TNPO2: variants seen among roughly 807,000 people sequenced by gnomAD.
TNPO2 encodes the protein transportin-2.
In TNPO2, 16 loss-of-function variants were observed where a neutral mutation model predicts 111.1. That is an observed-to-expected ratio of 0.14 (90% confidence interval 0.10 to 0.22). The LOEUF (loss-of-function observed/expected upper bound fraction) is 0.22. Among genes scored for constraint, TNPO2 ranks in the 10% least tolerant of loss-of-function variants. The pLI, the probability that TNPO2 is intolerant of heterozygous loss-of-function variation, is 1.00. For missense variants in TNPO2, 530 were observed against 1,173.7 expected, an observed-to-expected ratio of 0.45 and a Z score of 8.01; for synonymous variants, 481 against 475.8, an observed-to-expected ratio of 1.01 and a Z score of -0.14.
In TNPO2 at chr19:12,721,869, C is replaced by T. The variant is rs1966984243; in HGVS notation, c.-13-879G>A. On this transcript the variant is annotated intron_variant, in intron 2 of 25. Coordinates refer to ENST00000425528, the MANE Select transcript of TNPO2 (RefSeq NM_001382241.1). The surrounding 1 kb of genome is among the most constrained non-coding windows in gnomAD (Gnocchi z 4.9). ...CCCAGTCAAGTTCGGCCGAGCCCCC[C>T]ACCACCTCGTGTCAGTAACCCCCTG... is the stretch of plus-strand genomic sequence containing the variant. Among the ~76,000 whole-genome samples, 1 of 151,712 alleles carries T rather than the reference C, an allele frequency of 6.6e-6. No homozygotes were observed. Among genetic ancestry groups the T allele is most frequent in the African/African-American group, 2.4e-5 (1 of 41,266 alleles).
Position 12,702,990 on chromosome 19 carries a change from A to T in TNPO2, c.2210-72T>A. On this transcript the variant is annotated intron_variant, in intron 20 of 25. Transcript: ENST00000425528. The surrounding 1 kb of genome is among the most constrained non-coding windows in gnomAD (Gnocchi z 5.5). ...AGGGGCCAGGGGGCCGCCCCACCTC[A>T]CTCACTACTCGCCCCAGTTCCAACT... 3 of 1,352,540 alleles carry T rather than the reference A, an allele frequency of 2.2e-6. No homozygotes were observed. Among genetic ancestry groups the T allele is most frequent in the Non-Finnish European group, 3.1e-6 (3 of 954,538 alleles). 83.8% of individuals were successfully genotyped at this position (1,352,540 alleles called of 1,614,324 possible).
intron 5 of TNPO2, among the ~76,000 whole-genome samples, chr19:12,717,268 CTTT>C (rs554725285): frequency 0.012 from 1,512 of 122,334 alleles, 19 homozygotes; most frequent in African/African-American, 0.046. Context: ...CTTTTTCTCT[CTTT>C]TTTTTTTTTT....
chr19:12,717,173 C>T (rs569240037), intron 5 of TNPO2, among the ~76,000 whole-genome samples: 1 of 145,522 alleles, frequency 6.9e-6, no homozygotes, highest in Admixed American at 6.6e-5. Context: ...TTAGCCACAC[C>T]CCCTCATTCT....
At chr19:12,716,050 T>C (rs1053997948) in intron 5 of TNPO2, among the ~76,000 whole-genome samples, 2 of 152,000 alleles carry the variant, frequency 1.3e-5, no homozygotes. Flanking sequence ...TTAAAATTGT[T>C]TGTAGAGATG....
At chr19:12,714,583 A>G (rs896421878) in intron 10 of TNPO2, among the ~76,000 whole-genome samples, 4 of 152,024 alleles carry the variant, frequency 2.6e-5, no homozygotes, top group African/African-American at 7.3e-5. Flanking sequence ...AAGTGCTAGG[A>G]TTACAGGTGT....
Position 12,721,891 on chromosome 19 carries a change from C to T in TNPO2, c.-13-901G>A, listed in dbSNP as rs1966988279. Among the ~76,000 whole-genome samples, 3 of 151,330 alleles carry T rather than the reference C, an allele frequency of 2.0e-5. No individual in the cohort carries two copies. In the South Asian group the frequency reaches 6.3e-4, roughly 32 times the overall value. On this transcript the variant is annotated intron_variant, in intron 2 of 25. Transcript: ENST00000425528. The surrounding 1 kb of genome is among the most constrained non-coding windows in gnomAD (Gnocchi z 4.9). ...CCCCACCACCTCGTGTCAGTAACCC[C>T]CTGGTCCGATCCTTGCAGCCTCCCC...
At chr19:12,710,909 T>C in intron 12 of TNPO2, 136 bp from the exon 13 acceptor site, 5 of 1,041,178 alleles carry the variant, frequency 4.8e-6, no homozygotes, top group Non-Finnish European at 6.6e-6. Flanking sequence ...GTTTTGTTTT[T>C]TTGAGACGGA....
rs765149878 is a variant in TNPO2 at position 12,701,608 on chromosome 19, A to G, written c.2576T>C (p.Met859Thr). Residue 859 changes from methionine (M) to threonine (T), a missense_variant, in exon 24 of 26, where the codon ATG becomes ACG. Coordinates refer to ENST00000425528, the MANE Select transcript of TNPO2 (RefSeq NM_001382241.1). The surrounding 1 kb of genome is among the most constrained non-coding windows in gnomAD (Gnocchi z 5.0). Reference protein sequence around the residue: ...WVSPKDDLRDMFYKILHGFKD... With the variant: ...WVSPKDDLRDTFYKILHGFKD... ...CAGACAGAGCCTCACCTTATAAAAC[A>G]TGTCCCGAAGGTCATCCTTCGGGCT... 9 of 1,613,586 alleles carry G rather than the reference A, an allele frequency of 5.6e-6. No homozygotes were observed. Among genetic ancestry groups the G allele is most frequent in the Non-Finnish European group, 7.6e-6 (9 of 1,179,850 alleles).
intron 10 of TNPO2, among the ~76,000 whole-genome samples, chr19:12,714,366 G>A (rs1436334482): frequency 6.7e-6 from 1 of 149,360 alleles, no homozygotes; most frequent in East Asian, 2.0e-4. Flanking sequence ...AGGCTGGAGT[G>A]CAGTGGCACG....
chr19:12,710,878 A>C, intron 12 of TNPO2, 105 bp from the exon 13 acceptor site: 1 of 1,164,368 alleles, frequency 8.6e-7, no homozygotes, highest in Non-Finnish European at 1.2e-6. Context: ...CAGAATCTTC[A>C]CGATCAGCTT....
chr19:12,701,349 G>C lies in TNPO2; in HGVS notation c.2691C>G (p.Val897=). 2 of 1,613,468 alleles carry C rather than the reference G, an allele frequency of 1.2e-6. No homozygotes were observed. The highest frequency in any genetic ancestry group is 1.7e-6 in the Non-Finnish European group (2 of 1,179,562). ...LKERLAAFYG[V] The stretch of plus-strand genomic sequence containing the variant: ...ACCTGGCAGTCTCCATGATCACCTA[G>C]ACCCCATAGAAAGCCGCCAGCCTCT... Residue 897 remains valine (V), a synonymous_variant, in exon 25 of 26, where the codon GTC becomes GTG. Coordinates refer to ENST00000425528, the MANE Select transcript of TNPO2 (RefSeq NM_001382241.1). The surrounding 1 kb of genome is among the most constrained non-coding windows in gnomAD (Gnocchi z 5.0).
In TNPO2 at chr19:12,702,455, C is replaced by CATG. The variant is rs2025379276; in HGVS notation, c.2306-281_2306-279dup. 3.3e-6 allele frequency: 2 copies of CATG among 608,930 alleles called. No individual in the cohort carries two copies. 37.7% of individuals were successfully genotyped at this position (608,930 alleles called of 1,614,324 possible). On this transcript the variant is annotated intron_variant, in intron 21 of 25. Transcript: ENST00000425528. This position sits in a 1 kb window ranked among gnomAD's most constrained non-coding sequence, Gnocchi z 5.5. ...TGTTGCCCAGGCTGGAGTGCAGTGGCATGATCTTGGCTCATTGCAACCTGC... is the reference window on the plus strand; with the variant it reads ...TGTTGCCCAGGCTGGAGTGCAGTGGCATGATGATCTTGGCTCATTGCAACCTGC...
At position 12,715,573 on chromosome 19, in the gene TNPO2, G is replaced by A. The variant is rs2026315950; in HGVS notation, c.433-35C>T. The A allele has an allele frequency of 6.2e-7, 1 of 1,613,570 alleles. No homozygotes were observed. Among genetic ancestry groups the A allele is most frequent in the Non-Finnish European group, 8.5e-7 (1 of 1,179,566 alleles). On this transcript the variant is annotated intron_variant, in intron 6 of 25. Transcript: ENST00000425528. This position sits in a 1 kb window ranked among gnomAD's most constrained non-coding sequence, Gnocchi z 7.1. ...GAGGGGCAGAGAGACAAACGTGGGT[G>A]GTGGGTGGTGGTCCCAGCCCCCCAG...
At position 12,706,173 on chromosome 19, in the gene TNPO2, C is replaced by T. The variant is rs754595786; in HGVS notation, c.1668+23G>A. 3.1e-6 allele frequency: 5 copies of T among 1,607,872 alleles called. No homozygotes were observed. The highest frequency in any genetic ancestry group is 1.7e-5 in the Admixed American group (1 of 59,466). On this transcript the variant is annotated intron_variant, in intron 15 of 25. Transcript: ENST00000425528. The surrounding 1 kb of genome is among the most constrained non-coding windows in gnomAD (Gnocchi z 7.0). ...GCCCAGGGGCACGGGGATCGGGAGG[C>T]GGGAGCCGCTCTGGGGTCTCACCGG...
chr19:12,708,436 T>G (rs1248162125), intron 13 of TNPO2, among the ~76,000 whole-genome samples: 4 of 151,842 alleles, frequency 2.6e-5, no homozygotes, highest in Non-Finnish European at 4.4e-5. Flanking sequence ...CCAGGGTTTT[T>G]TTTTTTTTTT....
Position 12,713,722 on chromosome 19 carries a change from A to AAAT in TNPO2, c.890+1096_890+1098dup, listed in dbSNP as rs550742766. Among the ~76,000 whole-genome samples the AAAT allele has an allele frequency of 5.0e-3, 758 of 152,038 alleles. 6 individuals are homozygous for AAAT. The highest frequency in any genetic ancestry group is 0.017 in the African/African-American group (722 of 41,468). On this transcript the variant is annotated intron_variant, in intron 10 of 25. Coordinates refer to ENST00000425528, the MANE Select transcript of TNPO2 (RefSeq NM_001382241.1). ...CTCCGTCTCAAAAACAGAAATTTCA[A>AAAT]AATAATAATAATAATGATCTGGGGG...
At chr19:12,707,985 T>C (rs1010216995) in intron 13 of TNPO2, among the ~76,000 whole-genome samples, 7 of 152,070 alleles carry the variant, frequency 4.6e-5, no homozygotes, top group African/African-American at 1.4e-4. Context: ...CACGTGTGGC[T>C]AATTTTTCAT....
chr19:12,704,466 T>C (rs1472490938), intron 18 of TNPO2, among the ~76,000 whole-genome samples: 1 of 152,210 alleles, frequency 6.6e-6, no homozygotes, highest in Non-Finnish European at 1.5e-5. Context: ...ATCACTTATA[T>C]CTAATACAAT....
rs780374290 is a variant in TNPO2, at chr19:12,711,663, TG to T, written c.891-51del. On this transcript the variant is annotated intron_variant, in intron 10 of 25. Coordinates refer to ENST00000425528, the MANE Select transcript of TNPO2 (RefSeq NM_001382241.1). ...GGGATGCAGGGGCCGTGGCAAAAGT[TG>T]GGGGGAGGCACAGCTTGGGGAGGAG... 13 of 1,564,484 alleles carry T rather than the reference TG, an allele frequency of 8.3e-6. No homozygotes were observed. In the Admixed American group the frequency reaches 1.3e-4, roughly 15 times the overall value.
Sources: allele counts gnomAD v4.1 joint callset (sites outside exome capture counted in the v4.1 genomes callset), GRCh38; gene constraint gnomAD v4.1.1; non-coding constraint Gnocchi (gnomAD v3.1); transcripts MANE v1.5; gene names NCBI Gene and HGNC (gene_info 2026-07-23, HGNC 2026-07-21).